MYT1L: variants seen among roughly 807,000 people sequenced by gnomAD.
The protein encoded by MYT1L is myelin transcription factor 1 like, also known as myelin transcription factor 1-like protein.
In MYT1L, 12 loss-of-function variants were observed where a neutral mutation model predicts 126.7. That is an observed-to-expected ratio of 0.09 (90% CI 0.06 to 0.15). The LOEUF (loss-of-function observed/expected upper bound fraction) is 0.15, where lower values mean the gene tolerates loss of function less well. MYT1L is among the 10% of genes least tolerant of loss of function. The pLI is 1.00. For missense variants in MYT1L, 979 were observed against 1,585.2 expected (o/e 0.62, Z 6.49); for synonymous variants, 541 against 604.2 (o/e 0.90, Z 1.53).
At chr2:2,101,928 A>C (rs1033260850) in intron 3 of MYT1L, among the ~76,000 whole-genome samples, 4 of 152,256 alleles carry the variant, frequency 2.6e-5, no homozygotes, top group African/African-American at 9.6e-5. Flanking sequence ...CTTTCTTGAA[A>C]AGCAGGACCT....
chr2:2,306,665 G>A (rs2095863264), intron 1 of MYT1L, among the ~76,000 whole-genome samples: 1 of 152,160 alleles, frequency 6.6e-6, no homozygotes, highest in East Asian at 1.9e-4. Flanking sequence ...CAGAATGCCT[G>A]GAAAACCCAG....
At chr2:1,855,411 T>G (rs767859343) in intron 18 of MYT1L, among the ~76,000 whole-genome samples, 2 of 152,162 alleles carry the variant, frequency 1.3e-5, no homozygotes, top group East Asian at 3.9e-4. Flanking sequence ...GCTGCACAGC[T>G]TGGGTTTGGA....
intron 3 of MYT1L, among the ~76,000 whole-genome samples, chr2:2,081,186 A>G (rs1431189679): frequency 2.0e-5 from 3 of 152,222 alleles, no homozygotes; most frequent in Non-Finnish European, 4.4e-5. Context: ...ATTAAGGGTA[A>G]AAATATGGAC....
At chr2:2,058,461 G>A (rs1378255656) in intron 3 of MYT1L, among the ~76,000 whole-genome samples, 1 of 152,160 alleles carries the variant, frequency 6.6e-6, no homozygotes, top group African/African-American at 2.4e-5. Flanking sequence ...TGTGGATTAT[G>A]TGTGTGTATA....
At chr2:1,855,846 G>T (rs2043847803) in intron 18 of MYT1L, among the ~76,000 whole-genome samples, 1 of 151,094 alleles carries the variant, frequency 6.6e-6, no homozygotes, top group South Asian at 2.1e-4. Context: ...CTGAGATTAA[G>T]AATTTAAGAG....
rs1375813909 is a variant in MYT1L at position 1,943,999 on chromosome 2, AG to A, written c.153-666del. Reference sequence around the variant, plus strand: ...CATTCCAGAAAACAACTTCAGTGTTAGCGGTAATCACCACTAAATCACGCTG... The same window carrying A: ...CATTCCAGAAAACAACTTCAGTGTTACGGTAATCACCACTAAATCACGCTG... On this transcript the variant is annotated intron_variant, in intron 8 of 24. Coordinates refer to ENST00000647738, the MANE Select transcript of MYT1L (RefSeq NM_001303052.2). The surrounding 1 kb of genome is among the most constrained non-coding windows in gnomAD (Gnocchi z 4.4). 2.0e-5 allele frequency among the ~76,000 whole-genome samples: 3 copies of A among 152,214 alleles called. No individual in the cohort carries two copies. The highest frequency in any genetic ancestry group is 7.2e-5 in the African/African-American group (3 of 41,452).
At chr2:2,323,751 G>C (rs2096208188) in intron 1 of MYT1L, among the ~76,000 whole-genome samples, 1 of 152,210 alleles carries the variant, frequency 6.6e-6, no homozygotes, top group East Asian at 1.9e-4. Flanking sequence ...ACATTTCCTA[G>C]TTGTAGATTC....
chr2:2,259,625 T>A (rs1277379209), intron 2 of MYT1L, among the ~76,000 whole-genome samples: 1 of 152,132 alleles, frequency 6.6e-6, no homozygotes, highest in African/African-American at 2.4e-5. Context: ...ATCTTTAGGA[T>A]TAATGGGAAA....
chr2:2,092,609 C>T (rs902665885), intron 3 of MYT1L, among the ~76,000 whole-genome samples: 4 of 152,138 alleles, frequency 2.6e-5, no homozygotes, highest in African/African-American at 7.2e-5. Flanking sequence ...ATACACGATC[C>T]GTGAAGCACA....
In MYT1L at chr2:1,994,541, T is replaced by C. The variant is rs2061684690; in HGVS notation, c.-1+2650A>G. ...AGGTGTCGGCTCCCTCCCTGATGAA[T>C]GCCTGTCCCAGCAGATGTGTGGCTA... On this transcript the variant is annotated intron_variant, in intron 5 of 24. Transcript: ENST00000647738. Among the ~76,000 whole-genome samples, 6 of 152,314 alleles carry C rather than the reference T, an allele frequency of 3.9e-5. No homozygotes were observed. The South Asian group carries it at 1.2e-3, about 32-fold the overall frequency.
In MYT1L at chr2:1,979,764, G is replaced by T; in HGVS notation, c.14C>A (p.Thr5Asn). 6.2e-7 allele frequency: 1 copy of T among 1,613,940 alleles called. No homozygotes were observed. The highest frequency in any genetic ancestry group is 8.5e-7 in the Non-Finnish European group (1 of 1,179,894). The change falls in exon 6 of 25, where the codon ACC (threonine) becomes AAC (asparagine). Residue 5 changes from threonine (T) to asparagine (N), a missense_variant. Around this residue, in one of 12 missense-constraint regions of MYT1L, gnomAD observed 50 missense variants for 48.6 expected, o/e 1.03. Transcript: ENST00000647738. The surrounding 1 kb of genome is among the most constrained non-coding windows in gnomAD (Gnocchi z 4.0). ...CCGCGTGCGATGCCGCTTCTCCTCG[G>T]TGTCCACCTCCATCTGGGGATAGAT... MEVDTEEKRHRTRSK... is the reference protein window; with the variant it reads MEVDNEEKRHRTRSK...
Position 1,922,787 on chromosome 2 carries a change from C to G in MYT1L, c.982G>C (p.Glu328Gln), listed in dbSNP as rs2053737766. The part of the protein sequence containing the change: ...SDEEVCLSSL[E>Q]CLRNQCFDLA... ...TCGAAGCACTGATTCCTCAAACACT[C>G]CAGACTGCTCAGACACACCTCCTCA... Residue 328 changes from glutamate (E) to glutamine (Q), a missense_variant, in exon 10 of 25, where the codon GAG (glutamate) becomes CAG (glutamine). Physicochemically the swap from Glu to Gln is conservative, Grantham distance 29. Coordinates refer to ENST00000647738, the MANE Select transcript of MYT1L (RefSeq NM_001303052.2). This position sits in a 1 kb window ranked among gnomAD's most constrained non-coding sequence, Gnocchi z 7.4. The G allele has an allele frequency of 6.2e-7, 1 of 1,614,004 alleles. No homozygotes were observed. Among genetic ancestry groups the G allele is most frequent in the Non-Finnish European group, 8.5e-7 (1 of 1,179,894 alleles).
chr2:2,078,372 T>A lies in MYT1L; in HGVS notation c.-303-24249A>T, dbSNP rs73911329. On this transcript the variant is annotated intron_variant, in intron 3 of 24. Transcript: ENST00000647738. ...ACATTAAATAGAAATTGATTAAACATCCCAATCAAAAGGCAGAGAATAGAT... is the reference window on the plus strand; with the variant it reads ...ACATTAAATAGAAATTGATTAAACAACCCAATCAAAAGGCAGAGAATAGAT... 8.5e-3 allele frequency among the ~76,000 whole-genome samples: 1,295 copies of A among 152,098 alleles called. 17 individuals carry two copies. Among genetic ancestry groups the A allele is most frequent in the African/African-American group, 0.026 (1,083 of 41,480 alleles).
At chr2:2,077,439 A>T (rs934646841) in intron 3 of MYT1L, among the ~76,000 whole-genome samples, 1 of 152,222 alleles carries the variant, frequency 6.6e-6, no homozygotes, top group Non-Finnish European at 1.5e-5. Context: ...TTTTTTTTGA[A>T]AGTTGCAAGA....
chr2:1,981,582 G>A lies in MYT1L; in HGVS notation c.1-1805C>T, dbSNP rs191524122. 4.6e-5 allele frequency among the ~76,000 whole-genome samples: 7 copies of A among 152,308 alleles called. No homozygotes were observed. In the East Asian group the frequency reaches 1.2e-3, roughly 25 times the overall value. ...GAATATTGGAAAGACGACATCAGAC[G>A]GTGCAGACGACGGGCCTGAGCCAGG... On this transcript the variant is annotated intron_variant, in intron 5 of 24. Transcript: ENST00000647738.
At chr2:2,317,444 A>G (rs1432511573) in intron 1 of MYT1L, among the ~76,000 whole-genome samples, 4 of 152,040 alleles carry the variant, frequency 2.6e-5, no homozygotes, top group Non-Finnish European at 5.9e-5. Context: ...GGGCACCGAG[A>G]GGCAGAAAAC....
rs1297886462 is a variant in MYT1L at position 2,059,158 on chromosome 2, T to C, written c.-303-5035A>G. 6.6e-6 allele frequency among the ~76,000 whole-genome samples: 1 copy of C among 152,178 alleles called. No homozygotes were observed. The highest frequency in any genetic ancestry group is 1.9e-4 in the East Asian group (1 of 5,192). On this transcript the variant is annotated intron_variant, in intron 3 of 24. Coordinates refer to ENST00000647738, the MANE Select transcript of MYT1L (RefSeq NM_001303052.2). The surrounding 1 kb of genome is among the most constrained non-coding windows in gnomAD (Gnocchi z 4.7). Reference sequence around the variant, plus strand: ...GTCACCCACACTGGCGGGAACTGAATGGCCGTTCCCATTTCTCTGAACAAA... The same window carrying C: ...GTCACCCACACTGGCGGGAACTGAACGGCCGTTCCCATTTCTCTGAACAAA...
intron 19 of MYT1L, 180 bp from the exon 20 acceptor site, chr2:1,841,023 C>A: frequency 3.7e-6 from 2 of 540,426 alleles, no homozygotes; most frequent in Non-Finnish European, 3.3e-6. Context: ...CCTGCCTCAG[C>A]CTCCCAAGTA....
intron 2 of MYT1L, among the ~76,000 whole-genome samples, chr2:2,277,168 A>G (rs1379388749): frequency 6.6e-6 from 1 of 151,864 alleles, no homozygotes; most frequent in Non-Finnish European, 1.5e-5. Flanking sequence ...TATTTTTTTT[A>G]GTAGAGATGG....
Sources: allele counts gnomAD v4.1 joint callset (sites outside exome capture counted in the v4.1 genomes callset), GRCh38; gene constraint gnomAD v4.1.1; regional missense constraint gnomAD v4.1.1; non-coding constraint Gnocchi (gnomAD v3.1); transcripts MANE v1.5; gene names NCBI Gene and HGNC (gene_info 2026-07-23, HGNC 2026-07-21).